Variants in EXOC6 observed in about 807,000 individuals in gnomAD.
EXOC6 encodes the protein exocyst complex component 6.
A neutral mutation model predicts 112.5 loss-of-function variants in EXOC6; 60 were observed. The ratio of observed to expected loss-of-function variants is 0.53; its 90% CI spans 0.43 to 0.66. EXOC6 has a LOEUF of 0.66. Ranked by LOEUF, EXOC6 falls within the 30% of genes least tolerant of loss-of-function variation. The pLI is 0.00. For synonymous variants in EXOC6, 295 were observed against 308.0 expected (o/e 0.96, Z 0.44); for missense variants, 855 against 957.1 (o/e 0.89, Z 1.41).
chr10:92,946,816 A>T lies in EXOC6; in HGVS notation c.1311-1458A>T, dbSNP rs576152511. Among the ~76,000 whole-genome samples, 3 of 152,236 alleles carry T rather than the reference A, an allele frequency of 2.0e-5. No individual in the cohort carries two copies. The East Asian group carries it at 5.8e-4, about 29-fold the overall frequency. On this transcript the variant is annotated intron_variant, in intron 13 of 21. Transcript: ENST00000260762. ...CATAATCTCTTTAGAAATTTTTTTC[A>T]TCTGTAAAGACCCTACAGGACTACT...
At chr10:92,970,414 T>C (rs1236878592) in intron 17 of EXOC6, among the ~76,000 whole-genome samples, 1 of 152,076 alleles carries the variant, frequency 6.6e-6, no homozygotes, top group Non-Finnish European at 1.5e-5. Context: ...GTAGATTATA[T>C]GCAAATACCA....
chr10:92,997,536 G>C lies in EXOC6; in HGVS notation c.2016G>C (p.Gln672His). The C allele has an allele frequency of 6.2e-7, 1 of 1,613,576 alleles. No individual in the cohort carries two copies. The highest frequency in any genetic ancestry group is 8.5e-7 in the Non-Finnish European group (1 of 1,179,656). The part of the protein sequence containing the change: ...ACQHLSTSLM[Q>H]MLLDSELKQI... Reference sequence around the variant, plus strand: ...AGCATCTGTCAACATCCTTAATGCAGATGCTACTGGACAGTGAGTTAAAAC... The same window carrying C: ...AGCATCTGTCAACATCCTTAATGCACATGCTACTGGACAGTGAGTTAAAAC... The change falls in exon 19 of 22, where the codon CAG (glutamine) becomes CAC (histidine). Residue 672 changes from glutamine (Q) to histidine (H), a missense_variant. Gln to His is a conservative substitution (Grantham distance 24). Around this residue, in one of 2 missense-constraint regions of EXOC6, gnomAD observed 450 missense variants for 563.5 expected, o/e 0.80. Coordinates refer to ENST00000260762, the MANE Select transcript of EXOC6 (RefSeq NM_019053.6).
chr10:92,980,248 A>G (rs80229952), intron 18 of EXOC6, among the ~76,000 whole-genome samples: 1,619 of 152,284 alleles, frequency 0.011, 33 homozygotes, highest in African/African-American at 0.037. Context: ...TTTACTAGCT[A>G]TGGGATCCTG....
At chr10:92,999,658 G>A (rs1022013633) in intron 19 of EXOC6, among the ~76,000 whole-genome samples, 2 of 151,522 alleles carry the variant, frequency 1.3e-5, no homozygotes, top group Admixed American at 6.6e-5. Flanking sequence ...GTATATTGTC[G>A]TATGTCCTCT....
chr10:92,984,999 AAAAACAAAAC>A (rs372482141), intron 18 of EXOC6, among the ~76,000 whole-genome samples: 8 of 151,674 alleles, frequency 5.3e-5, no homozygotes, highest in Non-Finnish European at 7.4e-5. Context: ...ACCTTGTCTC[AAAAACAAAAC>A]AAAACAAAAC....
intron 20 of EXOC6, among the ~76,000 whole-genome samples, chr10:93,054,351 C>T (rs1037659356): frequency 6.6e-6 from 1 of 152,136 alleles, no homozygotes; most frequent in Non-Finnish European, 1.5e-5. Flanking sequence ...TCTGCTTTGG[C>T]AATTAATTCC....
In EXOC6 at chr10:92,953,228, G is replaced by A. The variant is rs371942690; in HGVS notation, c.1526+846G>A. Among the ~76,000 whole-genome samples, 82 of 151,962 alleles carry A rather than the reference G, an allele frequency of 5.4e-4. 2 individuals are homozygous for A. In the South Asian group the frequency reaches 0.016, roughly 30 times the overall value. The stretch of plus-strand genomic sequence containing the variant: ...CAAGTAGCTGGAACCACAGGTTCGC[G>A]CCACTGCTCTTTGCCAATTTTTGTA... On this transcript the variant is annotated intron_variant, in intron 15 of 21. Transcript: ENST00000260762.
intron 2 of EXOC6, among the ~76,000 whole-genome samples, chr10:92,893,878 A>G (rs973667677): frequency 1.3e-5 from 2 of 152,196 alleles, no homozygotes; most frequent in Non-Finnish European, 2.9e-5. Flanking sequence ...AAAGCTTATG[A>G]TAAATAGTTA....
intron 17 of EXOC6, among the ~76,000 whole-genome samples, chr10:92,964,835 C>G (rs543612333): frequency 3.5e-4 from 53 of 152,242 alleles, no homozygotes; most frequent in Non-Finnish European, 6.9e-4. Context: ...CAATTTTGGC[C>G]TCATCGTCAG....
At chr10:92,927,678 C>T (rs1400443709) in intron 8 of EXOC6, among the ~76,000 whole-genome samples, 1 of 152,102 alleles carries the variant, frequency 6.6e-6, no homozygotes, top group Non-Finnish European at 1.5e-5. Flanking sequence ...CTGAGATAGA[C>T]TAACCAAGAA....
chr10:92,930,535 AAGCTT>A (rs1851969743), intron 9 of EXOC6, among the ~76,000 whole-genome samples: 2 of 150,748 alleles, frequency 1.3e-5, no homozygotes, highest in African/African-American at 4.9e-5. Flanking sequence ...TAAATAGAAA[AAGCTT>A]GAAATCATAC....
chr10:92,997,438 T>C lies in EXOC6; in HGVS notation c.1954-36T>C, dbSNP rs746712066. On this transcript the variant is annotated intron_variant, in intron 18 of 21. Coordinates refer to ENST00000260762, the MANE Select transcript of EXOC6 (RefSeq NM_019053.6). ...TTTATGATGTATTTCTATGTGTGTT[T>C]ATTTGTTTGATTTTTGGTTTGATTG... is the stretch of plus-strand genomic sequence containing the variant. 4.4e-6 allele frequency: 7 copies of C among 1,578,846 alleles called. No homozygotes were observed. The African/African-American group carries it at 9.5e-5, about 21-fold the overall frequency.
At chr10:93,026,680 T>C (rs959384356) in intron 20 of EXOC6, among the ~76,000 whole-genome samples, 41 of 152,220 alleles carry the variant, frequency 2.7e-4, no homozygotes, top group African/African-American at 9.6e-4. Flanking sequence ...TGATCTGTGA[T>C]CAGTGGTCTT....
chr10:92,866,535 GT>G (rs1157723400), intron 1 of EXOC6, among the ~76,000 whole-genome samples: 2 of 151,962 alleles, frequency 1.3e-5, no homozygotes, highest in Non-Finnish European at 2.9e-5. Flanking sequence ...TAATATCAAG[GT>G]TTTGTTACCT....
At chr10:93,042,401 A>G (rs1845823100) in intron 20 of EXOC6, among the ~76,000 whole-genome samples, 1 of 152,232 alleles carries the variant, frequency 6.6e-6, no homozygotes. Flanking sequence ...GTTTGTGTGA[A>G]TATCTTTCCC....
At chr10:92,861,688 T>C (rs1025784505) in intron 1 of EXOC6, among the ~76,000 whole-genome samples, 8 of 152,112 alleles carry the variant, frequency 5.3e-5, no homozygotes, top group African/African-American at 9.7e-5. Flanking sequence ...GAACTGGTGG[T>C]TGGGAAAAGG....
intron 1 of EXOC6, among the ~76,000 whole-genome samples, chr10:92,835,227 T>C (rs1846626376): frequency 6.6e-6 from 1 of 152,238 alleles, no homozygotes. Context: ...AGACCATTTA[T>C]TTGTATTGTA....
intron 7 of EXOC6, among the ~76,000 whole-genome samples, chr10:92,917,705 A>T (rs7068011): frequency 0.28 from 43,147 of 151,410 alleles, 6,422 homozygotes; most frequent in Middle Eastern, 0.38. Context: ...AAAAAAAAAA[A>T]ATTTCTTATA....
intron 20 of EXOC6, among the ~76,000 whole-genome samples, chr10:93,042,051 C>T (rs748353662): frequency 1.3e-5 from 2 of 152,326 alleles, no homozygotes. Context: ...ACCCAAAGTT[C>T]CTGAACAAGG....
Sources: allele counts gnomAD v4.1 joint callset (sites outside exome capture counted in the v4.1 genomes callset), GRCh38; gene constraint gnomAD v4.1.1; regional missense constraint gnomAD v4.1.1; transcripts MANE v1.5; gene names NCBI Gene and HGNC (gene_info 2026-07-23, HGNC 2026-07-21).